The following PAH variants were observed in gnomAD, a reference collection of about 807,000 sequenced individuals.
PAH encodes the protein phenylalanine hydroxylase.
PAH carries 64 observed loss-of-function variants against 62.0 expected under a neutral mutation model. The observed-to-expected ratio is 1.03, with a 90% CI of 0.84 to 1.27. The LOEUF is 1.27. Ranked by LOEUF, PAH falls within the 50% of genes most tolerant of loss-of-function variation. PAH has a pLI of 0.00. For missense variants in PAH, 579 were observed against 542.8 expected (o/e 1.07, Z -0.66); for synonymous variants, 195 against 196.2 (o/e 0.99, Z 0.05).
upstream of PAH, among the ~76,000 whole-genome samples, chr12:102,953,106 C>T (rs922194177): frequency 2.0e-5 from 3 of 152,156 alleles, no homozygotes; most frequent in Non-Finnish European, 4.4e-5. Context: ...TTAATTATAG[C>T]TCCTGGAAGA....
At chr12:102,913,038 C>T (rs900006071) in intron 1 of PAH, 140 bp from the exon 2 acceptor site, 5 of 668,374 alleles carry the variant, frequency 7.5e-6, no homozygotes, top group African/African-American at 7.2e-5. Flanking sequence ...ATATTCTATA[C>T]AGAAATATGT....
At chr12:102,850,746 C>CT (rs1184375380) in intron 8 of PAH, among the ~76,000 whole-genome samples, 1 of 152,146 alleles carries the variant, frequency 6.6e-6, no homozygotes, top group East Asian at 1.9e-4. Context: ...TTTAGGCTGC[C>CT]TCTCAGTGCC....
rs1366180423 is a variant in PAH at position 102,861,938 on chromosome 12, G to T, written c.509+4658C>A. On this transcript the variant is annotated intron_variant, in intron 5 of 12. Coordinates refer to ENST00000553106, the MANE Select transcript of PAH (RefSeq NM_000277.3). The stretch of plus-strand genomic sequence containing the variant: ...TACATATGTAACAAACCTGCACGTT[G>T]TGCACATGTACCCTAGAACTTAAAG... Among the ~76,000 whole-genome samples the T allele has an allele frequency of 2.1e-5, 3 of 141,096 alleles. No individual in the cohort carries two copies. The East Asian group carries it at 6.0e-4, about 28-fold the overall frequency. 92.6% of individuals were successfully genotyped at this position (141,096 alleles called of 152,430 possible). A position where few individuals can be genotyped will look rare whatever the true frequency, so the allele number is the denominator to read the frequency against.
chr12:102,868,109 T>C (rs1342916666), intron 4 of PAH, among the ~76,000 whole-genome samples: 2 of 19,344 alleles, frequency 1.0e-4, no homozygotes, highest in Non-Finnish European at 1.9e-4. Context: ...TATATACACA[T>C]ATATATACAT....
chr12:102,876,040 ATT>A (rs34089141), intron 4 of PAH, among the ~76,000 whole-genome samples: 3 of 148,302 alleles, frequency 2.0e-5, no homozygotes, highest in South Asian at 4.3e-4. Flanking sequence ...ATAATAGGTG[ATT>A]TTTTTTTTTC....
intron 8 of PAH, 95 bp downstream of exon 8, chr12:102,851,592 T>C (rs1875148404): frequency 8.1e-6 from 8 of 984,070 alleles, no homozygotes; most frequent in South Asian, 6.5e-5. Context: ...TTTCCGCTCT[T>C]GCAGAGGGCA....
At chr12:102,874,342 C>G (rs1449899721) in intron 4 of PAH, among the ~76,000 whole-genome samples, 1 of 152,196 alleles carries the variant, frequency 6.6e-6, no homozygotes, top group African/African-American at 2.4e-5. Flanking sequence ...TCCTGCACTG[C>G]TTTGAGAACA....
chr12:102,936,339 G>T (rs1337045185), intron 1 of PAH, among the ~76,000 whole-genome samples: 1 of 152,132 alleles, frequency 6.6e-6, no homozygotes, highest in Non-Finnish European at 1.5e-5. Flanking sequence ...GAGCTGTGGA[G>T]AATAATGTAT....
chr12:102,952,345 G>A (rs1397408985), upstream of PAH, among the ~76,000 whole-genome samples: 3 of 151,988 alleles, frequency 2.0e-5, no homozygotes, highest in Non-Finnish European at 2.9e-5. Flanking sequence ...CTATTCAGGG[G>A]TTCTCTGTGA....
rs1033261567 is a variant in PAH, at chr12:102,957,989, G to A, written c.-96+206C>T. 9 of 331,058 alleles carry A rather than the reference G, an allele frequency of 2.7e-5. No homozygotes were observed. Among genetic ancestry groups the A allele is most frequent in the Non-Finnish European group, 4.9e-5 (9 of 183,638 alleles). 20.5% of individuals were successfully genotyped at this position (331,058 alleles called of 1,614,324 possible). A position where few individuals can be genotyped will look rare whatever the true frequency, so the allele number is the denominator to read the frequency against. On this transcript the variant is annotated intron_variant, in intron 1 of 4. Transcript: ENST00000551337. This position sits in a 1 kb window ranked among gnomAD's most constrained non-coding sequence, Gnocchi z 4.1. ...CGCGAGGCTCCCGAAGCCAACCCGCGAAGGGAGGAGGGGAGGGAGGAGGAG... is the reference window on the plus strand; with the variant it reads ...CGCGAGGCTCCCGAAGCCAACCCGCAAAGGGAGGAGGGGAGGGAGGAGGAG...
intron 2 of PAH, among the ~76,000 whole-genome samples, chr12:102,909,652 TA>T (rs1878125622): frequency 6.6e-6 from 1 of 152,152 alleles, no homozygotes; most frequent in Non-Finnish European, 1.5e-5. Flanking sequence ...TAATTATATT[TA>T]AAAACTCAGG....
At chr12:102,930,351 T>G (rs1408682554) in intron 1 of PAH, among the ~76,000 whole-genome samples, 1 of 150,552 alleles carries the variant, frequency 6.6e-6, no homozygotes, top group East Asian at 1.9e-4. Context: ...AATGAGTTTG[T>G]CTGGTTACAT....
chr12:102,846,849 T>G, intron 9 of PAH, 46 bp downstream of exon 9: 2 of 1,523,242 alleles, frequency 1.3e-6, no homozygotes, highest in Non-Finnish European at 1.8e-6. Flanking sequence ...CTGAGGGCCA[T>G]AGCCTATAGC....
chr12:102,941,588 C>T (rs540287862), intron 1 of PAH, among the ~76,000 whole-genome samples: 1 of 152,116 alleles, frequency 6.6e-6, no homozygotes, highest in Non-Finnish European at 1.5e-5. Flanking sequence ...ATACAGAGTT[C>T]AATTCAACCA....
chr12:102,937,453 G>C (rs932329693), intron 1 of PAH, among the ~76,000 whole-genome samples: 1 of 151,926 alleles, frequency 6.6e-6, no homozygotes, highest in Non-Finnish European at 1.5e-5. Context: ...TACCAATGAG[G>C]CTTCCACATA....
At position 102,931,415 on chromosome 12, in the gene PAH, A is replaced by C. The variant is rs1332256988; in HGVS notation, c.-95-14190T>G. Among the ~76,000 whole-genome samples the C allele has an allele frequency of 3.9e-5, 6 of 152,174 alleles. No homozygotes were observed. In the East Asian group the frequency reaches 1.2e-3, roughly 29 times the overall value. On this transcript the variant is annotated intron_variant, in intron 1 of 3. Coordinates refer to the PAH transcript ENST00000546844. ...GCCAAGTGCTGGGGGAATGCGCCAC[A>C]GATGCCCCTGACTGCCTTGAGGGTT...
chr12:102,879,295 TCAGCG>T (rs1254901365), intron 3 of PAH, among the ~76,000 whole-genome samples: 1 of 151,936 alleles, frequency 6.6e-6, no homozygotes, highest in Non-Finnish European at 1.5e-5. Context: ...AGGGCGCCGC[TCAGCG>T]TCTGGTACAT....
rs1240741316 is a variant in PAH at position 102,877,643 on chromosome 12, G to A, written c.353-93C>T. On this transcript the variant is annotated intron_variant, in intron 3 of 12. Transcript: ENST00000553106. ...TCAGAAGTGGGGATCCCAGCCAATG[G>A]TGATGGCAAGTGGGCTGGCTTCCAG... The A allele has an allele frequency of 4.4e-5, 39 of 883,708 alleles. No homozygotes were observed. In the East Asian group the frequency reaches 7.5e-4, roughly 17 times the overall value. 54.7% of individuals were successfully genotyped at this position (883,708 alleles called of 1,614,324 possible).
chr12:102,852,820 G>C lies in PAH; in HGVS notation c.837C>G (p.Pro279=). ...AGCTGGAGGACAGTACTCACGGTTC[G>C]GGGGTATACATGGGCTTGGATCCAT... ...IRHGSKPMYT[P]EPDICHELLG... Residue 279 remains proline, a synonymous_variant, in exon 7 of 13, where the codon CCC becomes CCG. Transcript: ENST00000553106. 1 of 1,614,016 alleles carries C rather than the reference G, an allele frequency of 6.2e-7. No individual in the cohort carries two copies. Among genetic ancestry groups the C allele is most frequent in the East Asian group, 2.2e-5 (1 of 44,876 alleles).
Sources: allele counts gnomAD v4.1 joint callset (sites outside exome capture counted in the v4.1 genomes callset), GRCh38; gene constraint gnomAD v4.1.1; non-coding constraint Gnocchi (gnomAD v3.1); transcripts MANE v1.5; gene names NCBI Gene and HGNC (gene_info 2026-07-23, HGNC 2026-07-21).